ANKMY1: variants seen among roughly 807,000 people sequenced by gnomAD.
ANKMY1 encodes ankyrin repeat and MYND domain containing 1, also known as ankyrin repeat and MYND domain-containing protein 1.
In ANKMY1, 98 loss-of-function variants were observed where a neutral mutation model predicts 102.0. The observed-to-expected ratio is 0.96, with a 90% CI of 0.82 to 1.14. The LOEUF (loss-of-function observed/expected upper bound fraction) is 1.14, where lower values mean the gene tolerates loss of function less well. ANKMY1 is among the 50% of genes most tolerant of loss of function. The pLI, the probability that ANKMY1 is intolerant of heterozygous loss-of-function variation, is 0.00. For missense variants in ANKMY1, 1,330 were observed against 1,347.6 expected (o/e 0.99, Z 0.20); for synonymous variants, 582 against 559.9 (o/e 1.04, Z -0.56).
At chr2:240,545,762 G>A (rs947302159) in intron 4 of ANKMY1, among the ~76,000 whole-genome samples, 9 of 152,280 alleles carry the variant, frequency 5.9e-5, no homozygotes, top group African/African-American at 9.6e-5. Context: ...GGGTATCAGC[G>A]ATGGAAGATG....
intron 11 of ANKMY1, among the ~76,000 whole-genome samples, chr2:240,510,559 C>T (rs1454765033): frequency 6.6e-6 from 1 of 152,126 alleles, no homozygotes; most frequent in African/African-American, 2.4e-5. Context: ...CAGTGCTCTG[C>T]TGGGACTGTG....
chr2:240,524,242 G>C lies in ANKMY1; in HGVS notation c.1475C>G (p.Pro492Arg), dbSNP rs1393758734. The change falls in exon 8 of 18, where the codon CCA becomes CGA. Residue 492 changes from proline to arginine, a missense_variant. Transcript: ENST00000401804. ...LRPPPAPLLL[P>R]RVSGSHEGGH... ...GCCCTCGTGGCTGCCTGAGACGCGT[G>C]GCAGGAGCAGTGGTGCTGGCGGTGG... is the stretch of plus-strand genomic sequence containing the variant. The C allele has an allele frequency of 4.3e-6, 7 of 1,613,732 alleles. No homozygotes were observed. Among genetic ancestry groups the C allele is most frequent in the Non-Finnish European group, 2.5e-6 (3 of 1,180,052 alleles).
chr2:240,485,782 A>G (rs1450879382), intron 15 of ANKMY1, among the ~76,000 whole-genome samples: 2 of 152,078 alleles, frequency 1.3e-5, no homozygotes, highest in Non-Finnish European at 2.9e-5. Context: ...TTGTAGAGAC[A>G]GGGTCTTGCC....
intron 5 of ANKMY1, chr2:240,527,848 T>C (rs991117701): frequency 1.3e-5 from 1 of 77,112 alleles, no homozygotes; most frequent in African/African-American, 4.7e-5. Flanking sequence ...GGTAGGTGGG[T>C]GGGTGATTGG....
chr2:240,510,911 T>A (rs558899884), intron 11 of ANKMY1, among the ~76,000 whole-genome samples: 1 of 151,776 alleles, frequency 6.6e-6, no homozygotes, highest in Non-Finnish European at 1.5e-5. Context: ...CCAGGCCTCG[T>A]CCTTCACGGT....
At chr2:240,505,183 C>T (rs958187293) in intron 13 of ANKMY1, among the ~76,000 whole-genome samples, 9 of 151,864 alleles carry the variant, frequency 5.9e-5, no homozygotes, top group African/African-American at 1.2e-4. Flanking sequence ...AACGTATGGC[C>T]GGGCGCGGTG....
Position 240,479,440 on chromosome 2 carries a change from G to A in ANKMY1, c.*169C>T, listed in dbSNP as rs1454370652. The A allele has an allele frequency of 1.1e-5, 9 of 813,714 alleles. No homozygotes were observed. The highest frequency in any genetic ancestry group is 9.6e-5 in the South Asian group (6 of 62,464). The allele number at this position is 813,714 out of a possible 1,614,324, so 50.4% of individuals were successfully genotyped here. On this transcript the variant is annotated 3_prime_UTR_variant, in exon 18 of 18. Transcript: ENST00000401804. ...CAGCACAGACTGTCAAAATCACCCC[G>A]TGGGGCCAATTTATTGCGAGGTCGC...
chr2:240,527,519 G>GTT (rs1305038930), intron 5 of ANKMY1: 6 of 140,408 alleles, frequency 4.3e-5, no homozygotes, highest in Admixed American at 2.9e-4. Context: ...TCAATGTTGC[G>GTT]TGAGTATACT....
chr2:240,558,687 A>G (rs1191574001), upstream of ANKMY1: 1 of 152,166 alleles, frequency 6.6e-6, no homozygotes, highest in African/African-American at 2.4e-5. Context: ...TGCCTCTGAG[A>G]ACAGGGCAGG....
At chr2:240,537,497 CTGCAGTCCTCAAACCT>C (rs2087118429) in intron 4 of ANKMY1, among the ~76,000 whole-genome samples, 2 of 152,182 alleles carry the variant, frequency 1.3e-5, no homozygotes, top group Admixed American at 1.3e-4. Context: ...TTCTCTCTGG[CTGCAGTCCTCAAACCT>C]TGCAGTCCTC....
chr2:240,536,050 A>G (rs1290076683), intron 4 of ANKMY1, among the ~76,000 whole-genome samples: 1 of 152,244 alleles, frequency 6.6e-6, no homozygotes, highest in Admixed American at 6.5e-5. Flanking sequence ...GCAGAAAATC[A>G]ATAACAAAAA....
chr2:240,496,682 C>T (rs546407838), intron 15 of ANKMY1, among the ~76,000 whole-genome samples: 11 of 152,296 alleles, frequency 7.2e-5, no homozygotes, highest in African/African-American at 2.4e-4. Context: ...CCTAAGGTGA[C>T]GGTGGTTTGG....
chr2:240,552,072 T>C (rs2091618473), intron 4 of ANKMY1, among the ~76,000 whole-genome samples: 1 of 152,192 alleles, frequency 6.6e-6, no homozygotes, highest in Non-Finnish European at 1.5e-5. Flanking sequence ...TTCTCACACA[T>C]TATTACATTT....
At chr2:240,504,805 G>A (rs370631335) in intron 13 of ANKMY1, among the ~76,000 whole-genome samples, 5 of 151,116 alleles carry the variant, frequency 3.3e-5, no homozygotes, top group Non-Finnish European at 5.9e-5. Flanking sequence ...CCAGGAGTTC[G>A]AGACCAGCCT....
At chr2:240,511,618 C>A (rs1005376325) in intron 11 of ANKMY1, among the ~76,000 whole-genome samples, 1 of 152,244 alleles carries the variant, frequency 6.6e-6, no homozygotes, top group Admixed American at 6.5e-5. Flanking sequence ...TCTGACCAGG[C>A]CCTGTGGTAA....
At chr2:240,530,192 G>A (rs2084984959) in intron 4 of ANKMY1, among the ~76,000 whole-genome samples, 2 of 152,214 alleles carry the variant, frequency 1.3e-5, no homozygotes, top group African/African-American at 4.8e-5. Context: ...AGCGGCCACT[G>A]CCAGGTGCCC....
At position 240,499,578 on chromosome 2, in the gene ANKMY1, AG is replaced by A. The variant is rs2077812414; in HGVS notation, c.2806+379del. Among the ~76,000 whole-genome samples the A allele has an allele frequency of 6.6e-6, 1 of 151,768 alleles. No homozygotes were observed. Among genetic ancestry groups the A allele is most frequent in the Non-Finnish European group, 1.5e-5 (1 of 67,900 alleles). On this transcript the variant is annotated intron_variant, in intron 15 of 17. Coordinates refer to ENST00000401804, the MANE Select transcript of ANKMY1 (RefSeq NM_001282771.3). The surrounding 1 kb of genome is among the most constrained non-coding windows in gnomAD (Gnocchi z 4.2). Reference sequence around the variant, plus strand: ...GGTGTGCAGGATGCACCCTGTAGGGAGGGGTGTGACCATGCAGGGGAGCAGC... The same window carrying A: ...GGTGTGCAGGATGCACCCTGTAGGGAGGGTGTGACCATGCAGGGGAGCAGC...
chr2:240,559,131 C>CT (rs773764475), upstream of ANKMY1, among the ~76,000 whole-genome samples: 7 of 152,258 alleles, frequency 4.6e-5, no homozygotes, highest in East Asian at 1.2e-3. Context: ...CTGGCCCAGA[C>CT]TAAGTGTGGC....
intron 9 of ANKMY1, chr2:240,519,997 T>G: frequency 2.1e-6 from 1 of 483,830 alleles, no homozygotes. Flanking sequence ...CTCTCCTGCC[T>G]GCGTCCTTGT....
Sources: gnomAD v4.1 joint callset for allele counts (sites outside exome capture counted in the v4.1 genomes callset) on GRCh38, gnomAD v4.1.1 for gene constraint, Gnocchi (gnomAD v3.1) non-coding constraint, MANE v1.5 for transcripts, NCBI Gene and HGNC (gene_info 2026-07-23, HGNC 2026-07-21) for gene names.